The following ARHGEF11 variants were observed in gnomAD, a reference collection of about 807,000 sequenced individuals.
ARHGEF11 encodes the protein Rho guanine exchange factor (GEF) 11.
A neutral mutation model predicts 193.7 loss-of-function variants in ARHGEF11; 55 were observed. The observed-to-expected ratio is 0.28, with a 90% CI of 0.23 to 0.36. The LOEUF is 0.36. Ranked by LOEUF, ARHGEF11 falls within the 10% of genes least tolerant of loss-of-function variation. The pLI is 1.00. For missense variants in ARHGEF11, 1,723 were observed against 2,005.6 expected, an observed-to-expected ratio of 0.86 and a Z score of 2.69; for synonymous variants, 693 against 768.0, an observed-to-expected ratio of 0.90 and a Z score of 1.62.
At chr1:157,010,521 A>C (rs1668414512) in intron 1 of ARHGEF11, among the ~76,000 whole-genome samples, 1 of 152,170 alleles carries the variant, frequency 6.6e-6, no homozygotes. Context: ...TCCTGGGCTC[A>C]AGGGATCTTC....
At position 156,945,125 on chromosome 1, in the gene ARHGEF11, T is replaced by A; in HGVS notation, c.2885A>T (p.Glu962Val). 6.2e-7 allele frequency: 1 copy of A among 1,614,196 alleles called. No homozygotes were observed. Among genetic ancestry groups the A allele is most frequent in the Non-Finnish European group, 8.5e-7 (1 of 1,180,024 alleles). Residue 962 changes from glutamate (E) to valine (V), a missense_variant, in exon 30 of 41, where the codon GAA (glutamate) becomes GTA (valine). By Grantham distance (121) the Glu-to-Val change is moderately radical. Transcript: ENST00000368194. ...GCGGTTCTCTGTTTGTTTTACCGCT[T>A]CATTCACATACTTGAGAATCTCCCG... is the stretch of plus-strand genomic sequence containing the variant. ...QCREILKYVN[E>V]AVKQTENRHR... is the part of the protein sequence containing the mutation.
chr1:156,963,671 T>C (rs1661302064), intron 11 of ARHGEF11, 77 bp from the exon 12 acceptor site: 1 of 1,575,316 alleles, frequency 6.3e-7, no homozygotes, highest in Admixed American at 2.0e-5. Flanking sequence ...GAAGTTTGTT[T>C]AGTTGCAGCA....
intron 22 of ARHGEF11, among the ~76,000 whole-genome samples, chr1:156,950,719 A>G (rs1268507222): frequency 6.6e-6 from 1 of 152,252 alleles, no homozygotes; most frequent in African/African-American, 2.4e-5. Context: ...ACGCTGCTGC[A>G]TACTGACTTG....
intron 1 of ARHGEF11, among the ~76,000 whole-genome samples, chr1:157,028,891 G>A (rs1159706209): frequency 6.6e-6 from 1 of 152,132 alleles, no homozygotes; most frequent in Non-Finnish European, 1.5e-5. Context: ...AACTGGCTGG[G>A]CGTGGTGGCT....
intron 1 of ARHGEF11, among the ~76,000 whole-genome samples, chr1:157,012,254 C>T (rs1668631510): frequency 6.6e-6 from 1 of 152,014 alleles, no homozygotes; most frequent in African/African-American, 2.4e-5. Context: ...TATATGAATC[C>T]ATGTATGTGA....
intron 1 of ARHGEF11, among the ~76,000 whole-genome samples, chr1:157,007,370 T>C (rs1014840987): frequency 2.6e-5 from 4 of 152,178 alleles, no homozygotes; most frequent in Non-Finnish European, 5.9e-5. Flanking sequence ...CATCACAGTA[T>C]TTAAACATCA....
At chr1:157,015,014 A>G (rs1387557015) in intron 1 of ARHGEF11, among the ~76,000 whole-genome samples, 3 of 152,098 alleles carry the variant, frequency 2.0e-5, no homozygotes, top group Non-Finnish European at 2.9e-5. Flanking sequence ...AACTCAACAC[A>G]CTGACAAACT....
At chr1:156,936,520 A>ATATATATC in intron 40 of ARHGEF11, among the ~76,000 whole-genome samples, 1 of 135,692 alleles carries the variant, frequency 7.4e-6, no homozygotes, top group East Asian at 2.1e-4. Flanking sequence ...ATATATATAT[A>ATATATATC]TATATAAAAT....
At chr1:156,966,231 T>C (rs934841507) in intron 11 of ARHGEF11, among the ~76,000 whole-genome samples, 6 of 152,210 alleles carry the variant, frequency 3.9e-5, no homozygotes, top group African/African-American at 1.4e-4. Context: ...CCCCATCTTC[T>C]GAAGACCTCC....
intron 4 of ARHGEF11, among the ~76,000 whole-genome samples, chr1:156,979,607 G>A (rs968378167): frequency 2.0e-5 from 3 of 152,060 alleles, no homozygotes; most frequent in Non-Finnish European, 4.4e-5. Flanking sequence ...CTTGTGATCC[G>A]CCCGTCTTGG....
chr1:157,016,124 T>C (rs1033545691), intron 1 of ARHGEF11, among the ~76,000 whole-genome samples: 1 of 152,202 alleles, frequency 6.6e-6, no homozygotes, highest in African/African-American at 2.4e-5. Flanking sequence ...CCCCCAGGTG[T>C]CTATTGTGAG....
intron 7 of ARHGEF11, among the ~76,000 whole-genome samples, chr1:156,975,161 T>C (rs1162200342): frequency 3.3e-5 from 5 of 152,242 alleles, no homozygotes; most frequent in Non-Finnish European, 7.3e-5. Context: ...ACAGTGAATA[T>C]GCAGACAAAA....
At chr1:156,976,884 A>G in intron 7 of ARHGEF11, 99 bp downstream of exon 7, 1 of 1,073,984 alleles carries the variant, frequency 9.3e-7, no homozygotes, top group East Asian at 2.4e-5. Flanking sequence ...CTGTGATAGG[A>G]TATTGCCTGT....
chr1:157,022,250 T>C (rs1458489290), intron 1 of ARHGEF11, among the ~76,000 whole-genome samples: 1 of 152,140 alleles, frequency 6.6e-6, no homozygotes, highest in African/African-American at 2.4e-5. Flanking sequence ...CTTATCTCTA[T>C]ACATGGAATG....
At position 156,969,329 on chromosome 1, in the gene ARHGEF11, C is replaced by T; in HGVS notation, c.778G>A (p.Asp260Asn). The change falls in exon 10 of 41, where the codon GAC becomes AAC. Residue 260 changes from aspartate (D) to asparagine (N), a missense_variant. Physicochemically the swap from Asp to Asn is conservative, Grantham distance 23 (BLOSUM62 1). Coordinates refer to ENST00000368194, the MANE Select transcript of ARHGEF11 (RefSeq NM_198236.3). ...TCTGTCCCAGAGTCCAAGCCACTGT[C>T]CCCCTCCTGGGAATCCAGAGAGAGC... ...GRLSLDSQEG[D>N]SGLDSGTERF... is the part of the protein sequence containing the mutation. The T allele has an allele frequency of 1.2e-6, 2 of 1,609,156 alleles. No individual in the cohort carries two copies. Among genetic ancestry groups the T allele is most frequent in the South Asian group, 1.1e-5 (1 of 89,962 alleles).
At chr1:157,041,255 T>C (rs1327111573) in intron 1 of ARHGEF11, among the ~76,000 whole-genome samples, 1 of 152,204 alleles carries the variant, frequency 6.6e-6, no homozygotes, top group Non-Finnish European at 1.5e-5. Flanking sequence ...AGCAAACACA[T>C]TTTTAGAAAC....
At chr1:156,964,583 A>C (rs1216382073) in intron 11 of ARHGEF11, among the ~76,000 whole-genome samples, 4 of 152,122 alleles carry the variant, frequency 2.6e-5, no homozygotes, top group South Asian at 2.1e-4. Context: ...GTTTTCCTGG[A>C]TATTTATGGT....
chr1:156,937,629 T>C, intron 38 of ARHGEF11, 133 bp from the exon 39 acceptor site: 1 of 958,306 alleles, frequency 1.0e-6, no homozygotes, highest in Non-Finnish European at 1.5e-6. Context: ...TCAGAGAACG[T>C]GGGCCTTGCT....
chr1:156,979,193 C>T (rs1475391566), intron 5 of ARHGEF11, 36 bp downstream of exon 5: 2 of 1,604,200 alleles, frequency 1.2e-6, no homozygotes, highest in Admixed American at 3.3e-5. Flanking sequence ...GGATCATCTG[C>T]TTCCCTACTT....
Sources: gnomAD v4.1 joint callset for allele counts (sites outside exome capture counted in the v4.1 genomes callset) on GRCh38, gnomAD v4.1.1 for gene constraint, MANE v1.5 for transcripts, NCBI Gene and HGNC (gene_info 2026-07-23, HGNC 2026-07-21) for gene names.